ASB3: variants seen among roughly 807,000 people sequenced by gnomAD.
ASB3 encodes the protein ankyrin repeat and SOCS box containing 3, also known as ankyrin repeat and SOCS box protein 3.
Under a neutral mutation model 54.5 loss-of-function variants are expected in ASB3, and 41 were observed. The observed-to-expected ratio is 0.75, with a 90% CI of 0.59 to 0.98. The LOEUF (loss-of-function observed/expected upper bound fraction) is 0.98. Ranked by LOEUF, ASB3 falls within the 50% of genes least tolerant of loss-of-function variation. The probability of loss-of-function intolerance (pLI) is 0.00; values close to 1 mark genes in which losing one functional copy is unlikely to be tolerated. For synonymous variants in ASB3, 266 were observed against 221.2 expected (o/e 1.20, Z -1.80); for missense variants, 733 against 620.0 (o/e 1.18, Z -1.94).
At chr2:53,694,054 C>T (rs986204458) in intron 8 of ASB3, 40 bp from the exon 9 acceptor site, 2 of 1,604,852 alleles carry the variant, frequency 1.2e-6, no homozygotes, top group African/African-American at 2.7e-5. Flanking sequence ...AGAAACAAAA[C>T]ATGCCAAGGG....
rs1674193083 is a variant in ASB3, at chr2:53,774,500, G to A, written c.-13-8915C>T. 4 of 1,559,190 alleles carry A rather than the reference G, an allele frequency of 2.6e-6. No individual in the cohort carries two copies. The highest frequency in any genetic ancestry group is 2.6e-6 in the Non-Finnish European group (3 of 1,157,788). ...AAATTAGTAAAGGAACGTTTAGAAG[G>A]GAAACAGAACCTCAATTGCATATAA... On this transcript the variant is annotated intron_variant, in intron 1 of 9. Transcript: ENST00000263634.
At chr2:53,709,054 C>G (rs1222415692) in intron 7 of ASB3, among the ~76,000 whole-genome samples, 1 of 152,222 alleles carries the variant, frequency 6.6e-6, no homozygotes, top group Admixed American at 6.5e-5. Flanking sequence ...GAGGCAAGTG[C>G]TAATAGCCAA....
chr2:53,746,409 A>G (rs1293880247), intron 3 of ASB3, among the ~76,000 whole-genome samples: 1 of 151,960 alleles, frequency 6.6e-6, no homozygotes, highest in Admixed American at 6.6e-5. Context: ...TTATATGTCC[A>G]TTCCTATTTT....
At chr2:53,746,941 A>G (rs1404433460) in intron 3 of ASB3, among the ~76,000 whole-genome samples, 1 of 152,208 alleles carries the variant, frequency 6.6e-6, no homozygotes, top group Non-Finnish European at 1.5e-5. Flanking sequence ...CCACAGAAAC[A>G]AAATAAATCC....
chr2:53,756,556 C>A (rs1672837421), intron 2 of ASB3, among the ~76,000 whole-genome samples: 1 of 152,168 alleles, frequency 6.6e-6, no homozygotes, highest in Non-Finnish European at 1.5e-5. Flanking sequence ...TTTGAATCAG[C>A]AGACTGAATA....
intron 3 of ASB3, among the ~76,000 whole-genome samples, chr2:53,730,892 A>G (rs1029391642): frequency 1.3e-5 from 2 of 152,214 alleles, no homozygotes; most frequent in African/African-American, 2.4e-5. Context: ...CTCAGTCACA[A>G]AATTAGAAAG....
chr2:53,702,102 C>G (rs1327752113), intron 7 of ASB3, among the ~76,000 whole-genome samples: 3 of 152,170 alleles, frequency 2.0e-5, no homozygotes, highest in Non-Finnish European at 4.4e-5. Flanking sequence ...TACCAAAACA[C>G]ACTTTAGAAA....
intron 5 of ASB3, among the ~76,000 whole-genome samples, chr2:53,717,967 A>G (rs886110760): frequency 6.6e-6 from 1 of 152,180 alleles, no homozygotes; most frequent in Non-Finnish European, 1.5e-5. Flanking sequence ...TCAGTCTTTC[A>G]AACTAACCCA....
intron 5 of ASB3, among the ~76,000 whole-genome samples, chr2:53,720,801 T>G (rs112262713): frequency 6.6e-6 from 1 of 152,188 alleles, no homozygotes; most frequent in East Asian, 1.9e-4. Flanking sequence ...ACAGCACATA[T>G]AACATACTCC....
rs188991942 is a variant in ASB3 at position 53,740,359 on chromosome 2, T to A, written c.355+10424A>T. ...CTGCAGTATTTCTCTGGTCCTGTGT[T>A]CATACTGACATCTGGTGGCACTAGA... On this transcript the variant is annotated intron_variant, in intron 3 of 9. Coordinates refer to ENST00000263634, the MANE Select transcript of ASB3 (RefSeq NM_016115.5). 3.4e-3 allele frequency among the ~76,000 whole-genome samples: 511 copies of A among 152,332 alleles called. 1 individual carries two copies. The highest frequency in any genetic ancestry group is 5.5e-3 in the Non-Finnish European group (375 of 68,030).
chr2:53,714,143 A>G (rs1670259359), intron 7 of ASB3, among the ~76,000 whole-genome samples: 1 of 152,266 alleles, frequency 6.6e-6, no homozygotes, highest in African/African-American at 2.4e-5. Flanking sequence ...CGTATTCCCT[A>G]AGATTGCTAC....
chr2:53,738,678 C>G (rs1486591891), intron 3 of ASB3, among the ~76,000 whole-genome samples: 1 of 152,062 alleles, frequency 6.6e-6, no homozygotes, highest in Non-Finnish European at 1.5e-5. Flanking sequence ...AAACAGAGAG[C>G]CAGGCGATCA....
At chr2:53,774,482 T>C (rs2104176637) in intron 1 of ASB3, 2 of 1,582,716 alleles carry the variant, frequency 1.3e-6, no homozygotes, top group East Asian at 4.5e-5. Context: ...GAAAAATTAG[T>C]AAAGGAACGT....
At chr2:53,711,515 G>A (rs1214196213) in intron 7 of ASB3, among the ~76,000 whole-genome samples, 1 of 152,120 alleles carries the variant, frequency 6.6e-6, no homozygotes, top group Non-Finnish European at 1.5e-5. Context: ...CAGGCGCGGT[G>A]ACTCATGCCA....
At chr2:53,730,688 C>T (rs1671257957) in intron 3 of ASB3, among the ~76,000 whole-genome samples, 1 of 152,168 alleles carries the variant, frequency 6.6e-6, no homozygotes, top group African/African-American at 2.4e-5. Context: ...CCTTTTTCTC[C>T]TCAACCTCGC....
intron 3 of ASB3, among the ~76,000 whole-genome samples, chr2:53,729,852 GT>G (rs1671203364): frequency 6.6e-6 from 1 of 152,216 alleles, no homozygotes; most frequent in Non-Finnish European, 1.5e-5. Flanking sequence ...CCTAGCTCTA[GT>G]TTGTTAAAAT....
intron 8 of ASB3, chr2:53,694,219 T>A (rs1669066477): frequency 7.9e-6 from 4 of 503,978 alleles, no homozygotes; most frequent in African/African-American, 2.0e-5. Context: ...TGAATTGACT[T>A]TCTATGTAGC....
chr2:53,683,013 T>G (rs1668456972), intron 9 of ASB3, among the ~76,000 whole-genome samples: 1 of 152,206 alleles, frequency 6.6e-6, no homozygotes, highest in Admixed American at 6.5e-5. Flanking sequence ...CACTACTGTG[T>G]TGAATCATAG....
intron 2 of ASB3, among the ~76,000 whole-genome samples, chr2:53,764,155 A>G (rs1483324282): frequency 6.6e-6 from 1 of 152,202 alleles, no homozygotes; most frequent in Non-Finnish European, 1.5e-5. Context: ...CCAGAAGTTT[A>G]TATTTTAAGG....
Sources: gnomAD v4.1 joint callset for allele counts (sites outside exome capture counted in the v4.1 genomes callset) on GRCh38, gnomAD v4.1.1 for gene constraint, MANE v1.5 for transcripts, NCBI Gene and HGNC (gene_info 2026-07-23, HGNC 2026-07-21) for gene names.